BTNL8: variants seen among roughly 807,000 people sequenced by gnomAD.
The protein encoded by BTNL8 is butyrophilin-like protein 8.
A neutral mutation model predicts 36.1 loss-of-function variants in BTNL8; 22 were observed. That is an observed-to-expected ratio of 0.61 (90% confidence interval 0.44 to 0.87). BTNL8 has a LOEUF of 0.87. BTNL8 is among the 40% of genes least tolerant of loss of function. The probability of loss-of-function intolerance (pLI) is 0.00; values close to 1 mark genes in which losing one functional copy is unlikely to be tolerated. For synonymous variants in BTNL8, 203 were observed against 235.6 expected, an observed-to-expected ratio of 0.86 and a Z score of 1.27; for missense variants, 526 against 616.9, an observed-to-expected ratio of 0.85 and a Z score of 1.56.
At position 180,899,300 on chromosome 5, in the gene BTNL8, AG is replaced by A. The variant is rs1756723352; in HGVS notation, c.-10del. 6.2e-7 allele frequency: 1 copy of A among 1,614,008 alleles called. No homozygotes were observed. Among genetic ancestry groups the A allele is most frequent in the Non-Finnish European group, 8.5e-7 (1 of 1,179,946 alleles). On this transcript the variant is annotated 5_prime_UTR_variant, in exon 1 of 8. Coordinates refer to ENST00000340184, the MANE Select transcript of BTNL8 (RefSeq NM_001040462.3). ...TTTCCATGCCGTGAGGTCCATTCAC[AG>A]AACACATCCATGGCTCTCATGCTCA...
rs1281022652 is a variant in BTNL8 at position 180,911,442 on chromosome 5, GA to G, written c.504del (p.Gly169ValfsTer27). On this transcript the variant is annotated frameshift_variant, in exon 3 of 8. Transcript: ENST00000340184. LOFTEE classifies it high-confidence loss of function. ...GWFPRPTAKW[K>X]GPQGQDLSTD... The stretch of plus-strand genomic sequence containing the variant: ...GGTTCCCCCGGCCCACAGCGAAGTG[GA>G]AAGGTCCACAAGGACAGGATTTGTC... The G allele has an allele frequency of 6.2e-7, 1 of 1,614,220 alleles. No individual in the cohort carries two copies. The highest frequency in any genetic ancestry group is 8.5e-7 in the Non-Finnish European group (1 of 1,180,038).
chr5:180,933,979 G>GAA (rs75061860), intron 3 of BTNL8, among the ~76,000 whole-genome samples: 15 of 150,098 alleles, frequency 1.0e-4, no homozygotes, highest in Middle Eastern at 3.4e-3. Flanking sequence ...CAAGGACACT[G>GAA]AAAAAAAAAG....
intron 3 of BTNL8, among the ~76,000 whole-genome samples, chr5:180,919,912 A>T (rs1046687419): frequency 6.6e-6 from 1 of 152,166 alleles, no homozygotes; most frequent in African/African-American, 2.4e-5. Flanking sequence ...GAAATGTATC[A>T]TGTGTTCATA....
At chr5:180,939,470 T>C (rs1358561053) in intron 3 of BTNL8, among the ~76,000 whole-genome samples, 2 of 152,174 alleles carry the variant, frequency 1.3e-5, no homozygotes, top group Non-Finnish European at 2.9e-5. Context: ...AAGATTATTA[T>C]TTAATGATAA....
Position 180,949,270 on chromosome 5 carries a change from C to G in BTNL8, c.862+5C>G. On this transcript the variant is annotated splice_donor_5th_base_variant and intron_variant, in intron 7 of 7. Transcript: ENST00000340184. ...GAGACGCCCGGAAACACGCAGGTACCAACGCCTGAGAGGGTGACAGTGGGA... is the reference window on the plus strand; with the variant it reads ...GAGACGCCCGGAAACACGCAGGTACGAACGCCTGAGAGGGTGACAGTGGGA... The G allele has an allele frequency of 2.7e-6, 4 of 1,460,940 alleles. No individual in the cohort carries two copies. The South Asian group carries it at 3.4e-5, about 12-fold the overall frequency. 90.5% of individuals were successfully genotyped at this position (1,460,940 alleles called of 1,614,324 possible).
chr5:180,941,411 G>A (rs906995173), intron 3 of BTNL8, among the ~76,000 whole-genome samples: 1 of 152,138 alleles, frequency 6.6e-6, no homozygotes, highest in Non-Finnish European at 1.5e-5. Flanking sequence ...ATTACAAAAA[G>A]TTGAAGGGGT....
chr5:180,915,801 T>C (rs1291301263), intron 3 of BTNL8, among the ~76,000 whole-genome samples: 2 of 152,188 alleles, frequency 1.3e-5, no homozygotes, highest in East Asian at 3.9e-4. Flanking sequence ...ATCATCTCAA[T>C]AGATGCAGAA....
intron 3 of BTNL8, among the ~76,000 whole-genome samples, chr5:180,914,248 C>T (rs189436603): frequency 7.9e-5 from 12 of 152,256 alleles, no homozygotes; most frequent in African/African-American, 2.6e-4. Context: ...CCCTTTCCAC[C>T]CCTTCTGCCA....
At chr5:180,922,242 T>C (rs1354161802) in intron 3 of BTNL8, among the ~76,000 whole-genome samples, 1 of 152,102 alleles carries the variant, frequency 6.6e-6, no homozygotes, top group Admixed American at 6.5e-5. Context: ...AACTTTGGGA[T>C]TGATTTTCTC....
chr5:180,915,123 T>C (rs1757566652), intron 3 of BTNL8, among the ~76,000 whole-genome samples: 1 of 151,890 alleles, frequency 6.6e-6, no homozygotes, highest in African/African-American at 2.4e-5. Context: ...TGCATGGACC[T>C]GAACAACAAG....
At chr5:180,910,953 G>T (rs1757356324) in intron 2 of BTNL8, among the ~76,000 whole-genome samples, 1 of 152,146 alleles carries the variant, frequency 6.6e-6, no homozygotes, top group Admixed American at 6.5e-5. Flanking sequence ...CATCTTCCTT[G>T]GTTTAGCTCT....
chr5:180,946,199 G>T (rs1759236041), intron 3 of BTNL8, among the ~76,000 whole-genome samples: 1 of 152,132 alleles, frequency 6.6e-6, no homozygotes, highest in Non-Finnish European at 1.5e-5. Flanking sequence ...ATGTAAATTA[G>T]TATGGCAATT....
At chr5:180,933,785 C>T (rs1184734161) in intron 3 of BTNL8, among the ~76,000 whole-genome samples, 1 of 152,036 alleles carries the variant, frequency 6.6e-6, no homozygotes, top group Non-Finnish European at 1.5e-5. Flanking sequence ...AGTAAGGAGA[C>T]TGACTTAGTA....
rs1349145623 is a variant in BTNL8, at chr5:180,902,622, C to T, written c.49+3263C>T. Among the ~76,000 whole-genome samples the T allele has an allele frequency of 1.7e-4, 25 of 150,588 alleles. 1 individual carries two copies. Among genetic ancestry groups the T allele is most frequent in the Admixed American group, 6.6e-5 (1 of 15,122 alleles). ...CATGTGCCATGCTGGTGCGCTGCACCCACTAACTCGTCATCTAGCATTAGG... is the reference window on the plus strand; with the variant it reads ...CATGTGCCATGCTGGTGCGCTGCACTCACTAACTCGTCATCTAGCATTAGG... On this transcript the variant is annotated intron_variant, in intron 1 of 7. Coordinates refer to ENST00000340184, the MANE Select transcript of BTNL8 (RefSeq NM_001040462.3).
intron 1 of BTNL8, among the ~76,000 whole-genome samples, chr5:180,907,222 C>T (rs1757120384): frequency 8.2e-6 from 1 of 121,478 alleles, no homozygotes. Context: ...TTGCTCATTT[C>T]TTTTTATTCT....
At chr5:180,922,216 T>C (rs371096776) in intron 3 of BTNL8, among the ~76,000 whole-genome samples, 2 of 152,118 alleles carry the variant, frequency 1.3e-5, no homozygotes, top group East Asian at 1.9e-4. Flanking sequence ...GATTTTGTTA[T>C]GTCTTATCTT....
At chr5:180,923,069 C>T (rs2113810467) in intron 3 of BTNL8, among the ~76,000 whole-genome samples, 1 of 152,200 alleles carries the variant, frequency 6.6e-6, no homozygotes, top group South Asian at 2.1e-4. Context: ...TATTTTGAGC[C>T]TATGGATGTT....
intron 1 of BTNL8, 82 bp downstream of exon 1, chr5:180,899,441 G>A (rs943942244): frequency 6.8e-7 from 1 of 1,469,744 alleles, no homozygotes; most frequent in Non-Finnish European, 9.5e-7. Context: ...ATGGAATGAA[G>A]GCATCTTTGT....
At chr5:180,919,887 T>C (rs1757790725) in intron 3 of BTNL8, among the ~76,000 whole-genome samples, 1 of 152,186 alleles carries the variant, frequency 6.6e-6, no homozygotes, top group Admixed American at 6.5e-5. Context: ...AAATGGACTA[T>C]AACACAAATA....
Sources: allele counts gnomAD v4.1 joint callset (sites outside exome capture counted in the v4.1 genomes callset), GRCh38; gene constraint gnomAD v4.1.1; transcripts MANE v1.5; gene names NCBI Gene and HGNC (gene_info 2026-07-23, HGNC 2026-07-21).